Variants in MMP20 observed in about 807,000 individuals in gnomAD.
MMP20 encodes the protein matrix metallopeptidase 20, also known as matrix metalloproteinase-20.
MMP20 carries 50 observed loss-of-function variants against 51.8 expected under a neutral mutation model. That is an observed-to-expected ratio of 0.97 (90% CI 0.77 to 1.22). MMP20 has a LOEUF of 1.22. MMP20 is among the 50% of genes most tolerant of loss of function. MMP20 has a pLI of 0.00. For synonymous variants in MMP20, 244 were observed against 216.2 expected (o/e 1.13, Z -1.13); for missense variants, 663 against 601.4 (o/e 1.10, Z -1.07).
chr11:102,583,942 G>A (rs61893825), intron 8 of MMP20, among the ~76,000 whole-genome samples: 26,571 of 152,144 alleles, frequency 0.17, 2,451 homozygotes, highest in East Asian at 0.29. Context: ...CATCCATGTC[G>A]TACCATGTAC....
At chr11:102,607,827 G>A (rs1274760390) in intron 5 of MMP20, 1 of 152,024 alleles carries the variant, frequency 6.6e-6, no homozygotes, top group African/African-American at 2.4e-5. Context: ...CCTTCTCGGT[G>A]GCCCACAGGA....
chr11:102,603,369 A>C (rs574421367), intron 6 of MMP20, among the ~76,000 whole-genome samples: 95 of 152,286 alleles, frequency 6.2e-4, no homozygotes, highest in Non-Finnish European at 8.5e-4. Context: ...GATCAGAGCT[A>C]TAGAGTCATG....
In MMP20 at chr11:102,611,862, T is replaced by C. The variant is rs755338821; in HGVS notation, c.416A>G (p.Asp139Gly). Residue 139 changes from aspartate to glycine, a missense_variant, in exon 3 of 10, where the codon GAC becomes GGC. Physicochemically the swap from Asp to Gly is moderately conservative, Grantham distance 94. Transcript: ENST00000260228. ...CTGCAAGGCCATCTCCACTGCTTTGTCCACCTCGACAGAACTCATGGAAGG... is the reference window on the plus strand; with the variant it reads ...CTGCAAGGCCATCTCCACTGCTTTGCCCACCTCGACAGAACTCATGGAAGG... The part of the protein sequence containing the change: ...YTPSMSSVEV[D>G]KAVEMALQAW... 6.2e-7 allele frequency: 1 copy of C among 1,614,108 alleles called. No individual in the cohort carries two copies.
At chr11:102,609,177 T>C (rs1859561087) in intron 4 of MMP20, 79 bp from the exon 5 acceptor site, 6 of 1,269,550 alleles carry the variant, frequency 4.7e-6, no homozygotes, top group Non-Finnish European at 6.8e-6. Flanking sequence ...TAGTATAATT[T>C]ATGCCCACAT....
intron 1 of MMP20, among the ~76,000 whole-genome samples, chr11:102,623,310 A>G (rs917934870): frequency 6.6e-6 from 1 of 152,098 alleles, no homozygotes; most frequent in African/African-American, 2.4e-5. Flanking sequence ...GCCTGTTAGG[A>G]ACCTGGCCCC....
intron 2 of MMP20, among the ~76,000 whole-genome samples, chr11:102,615,385 C>T (rs1859656674): frequency 6.6e-6 from 1 of 151,874 alleles, no homozygotes; most frequent in African/African-American, 2.4e-5. Flanking sequence ...AACCAGCTCA[C>T]AAAATTCTTG....
At chr11:102,589,503 G>A (rs1028580160) in intron 8 of MMP20, among the ~76,000 whole-genome samples, 3 of 152,152 alleles carry the variant, frequency 2.0e-5, no homozygotes, top group Non-Finnish European at 4.4e-5. Flanking sequence ...AACATGAGCT[G>A]AATGCTTATT....
chr11:102,579,118 C>T lies in MMP20; in HGVS notation c.1272G>A (p.Met424Ile), dbSNP rs1006682807. Reference protein sequence around the residue: ...YYSYDERKRKMEKDYPKNTEE... With the variant: ...YYSYDERKRKIEKDYPKNTEE... ...CAGTATTCTTTGGATAGTCTTTTTCCATTTTCCTTTTCCTTTCGTCGTAGC... is the reference window on the plus strand; with the variant it reads ...CAGTATTCTTTGGATAGTCTTTTTCTATTTTCCTTTTCCTTTCGTCGTAGC... The change falls in exon 9 of 10, where the codon ATG becomes ATA. Residue 424 changes from methionine (M) to isoleucine (I), a missense_variant. Coordinates refer to ENST00000260228, the MANE Select transcript of MMP20 (RefSeq NM_004771.4). 1.9e-6 allele frequency: 3 copies of T among 1,613,112 alleles called. No individual in the cohort carries two copies. Among genetic ancestry groups the T allele is most frequent in the South Asian group, 1.1e-5 (1 of 91,034 alleles).
At chr11:102,581,757 A>C (rs1859198471) in intron 8 of MMP20, among the ~76,000 whole-genome samples, 1 of 152,186 alleles carries the variant, frequency 6.6e-6, no homozygotes, top group Non-Finnish European at 1.5e-5. Context: ...ACTTCTCAAG[A>C]TTGTTGAAAG....
chr11:102,607,350 C>G (rs1859531208), intron 5 of MMP20: 4 of 155,354 alleles, frequency 2.6e-5, no homozygotes. Flanking sequence ...TGCTCTGCAT[C>G]TCTCAGGACT....
chr11:102,579,129 T>A lies in MMP20; in HGVS notation c.1261A>T (p.Lys421Ter). ...GDEYYSYDER[K>*]RKMEKDYPKN... The stretch of plus-strand genomic sequence containing the variant: ...GGATAGTCTTTTTCCATTTTCCTTT[T>A]CCTTTCGTCGTAGCTAGAAAAAGTA... Residue 421 changes from lysine to a stop codon, truncating the protein, a stop_gained, in exon 9 of 10, where the codon AAA becomes TAA. Transcript: ENST00000260228. LOFTEE classifies it high-confidence loss of function. 4 of 1,612,134 alleles carry A rather than the reference T, an allele frequency of 2.5e-6. No individual in the cohort carries two copies. The highest frequency in any genetic ancestry group is 3.4e-6 in the Non-Finnish European group (4 of 1,178,344).
chr11:102,603,245 G>A (rs1440371658), intron 6 of MMP20, among the ~76,000 whole-genome samples: 3 of 152,170 alleles, frequency 2.0e-5, no homozygotes, highest in Non-Finnish European at 2.9e-5. Flanking sequence ...GACTGGGAGC[G>A]CTTTCATAAT....
intron 8 of MMP20, among the ~76,000 whole-genome samples, chr11:102,584,710 A>G (rs1192622679): frequency 1.3e-5 from 2 of 152,146 alleles, no homozygotes; most frequent in Admixed American, 6.5e-5. Flanking sequence ...ATCCAAGATC[A>G]CGAAGATTTA....
intron 8 of MMP20, among the ~76,000 whole-genome samples, chr11:102,587,676 CT>C: frequency 6.6e-6 from 1 of 152,022 alleles, no homozygotes. Context: ...GGTATATTGA[CT>C]TTTTGTCATT....
At chr11:102,610,650 TTAAC>T (rs1467482987) in intron 3 of MMP20, among the ~76,000 whole-genome samples, 7 of 152,196 alleles carry the variant, frequency 4.6e-5, no homozygotes, top group Non-Finnish European at 7.3e-5. Context: ...ATTATCTATT[TTAAC>T]TAACAATTCA....
At chr11:102,621,628 A>T (rs761183618) in intron 1 of MMP20, among the ~76,000 whole-genome samples, 22 of 152,324 alleles carry the variant, frequency 1.4e-4, no homozygotes, top group Non-Finnish European at 2.8e-4. Context: ...TAATTGTTTA[A>T]ATTAGCTTGA....
chr11:102,609,383 A>T (rs540997839), intron 4 of MMP20, among the ~76,000 whole-genome samples: 9 of 152,310 alleles, frequency 5.9e-5, no homozygotes, highest in African/African-American at 1.9e-4. Context: ...AGAGCCTTGG[A>T]ACAAATAGTG....
Position 102,617,173 on chromosome 11 carries a change from T to C in MMP20, c.127-114A>G. ...ATTAAAAGCAGTGTGTAGAGTATTT[T>C]CCCATTTATGAAAAAAGTAGACATA... On this transcript the variant is annotated intron_variant, in intron 1 of 9. Transcript: ENST00000260228. 4 of 1,287,800 alleles carry C rather than the reference T, an allele frequency of 3.1e-6. No homozygotes were observed. The South Asian group carries it at 5.0e-5, about 16-fold the overall frequency. The allele number at this position is 1,287,800 out of a possible 1,614,324, so 79.8% of individuals were successfully genotyped here.
chr11:102,616,822 A>T lies in MMP20; in HGVS notation c.364T>A (p.Leu122Met). 6.2e-7 allele frequency: 1 copy of T among 1,614,182 alleles called. No homozygotes were observed. Among genetic ancestry groups the T allele is most frequent in the African/African-American group, 1.3e-5 (1 of 75,058 alleles). ...PGEPKWKKNT[L>M]TYRISKYTPS... ...ACTTGATCTCATTACCTGTATGTCAAAGTATTTTTTTTCCATTTGGGTTCA... is the reference window on the plus strand; with the variant it reads ...ACTTGATCTCATTACCTGTATGTCATAGTATTTTTTTTCCATTTGGGTTCA... Residue 122 changes from leucine to methionine, a missense_variant, in exon 2 of 10, where the codon TTG becomes ATG. Leu to Met is a conservative substitution (Grantham distance 15). Coordinates refer to ENST00000260228, the MANE Select transcript of MMP20 (RefSeq NM_004771.4).
Sources: allele counts gnomAD v4.1 joint callset (sites outside exome capture counted in the v4.1 genomes callset), GRCh38; gene constraint gnomAD v4.1.1; transcripts MANE v1.5; gene names NCBI Gene and HGNC (gene_info 2026-07-23, HGNC 2026-07-21).